VWDE: variants seen among roughly 807,000 people sequenced by gnomAD.
VWDE encodes von Willebrand factor D and EGF domain-containing protein.
In VWDE, 207 loss-of-function variants were observed where a neutral mutation model predicts 178.4. The observed-to-expected ratio is 1.16, with a 90% CI of 1.04 to 1.30. The LOEUF is 1.30. Ranked by LOEUF, VWDE falls within the 50% of genes most tolerant of loss-of-function variation. The probability of loss-of-function intolerance (pLI) is 0.00; values close to 1 mark genes in which losing one functional copy is unlikely to be tolerated. For synonymous variants in VWDE, 738 were observed against 651.4 expected (o/e 1.13, Z -2.02); for missense variants, 2,287 against 1,901.3 (o/e 1.20, Z -3.77).
At chr7:12,371,120 AT>A (rs1439709073) in intron 10 of VWDE, among the ~76,000 whole-genome samples, 2 of 152,152 alleles carry the variant, frequency 1.3e-5, no homozygotes, top group East Asian at 3.8e-4. Context: ...ACTTCTTTAA[AT>A]AATTTAAACA....
At chr7:12,344,589 T>G (rs1439348084) in intron 19 of VWDE, 120 bp from the exon 20 acceptor site, 6 of 732,568 alleles carry the variant, frequency 8.2e-6, no homozygotes, top group Non-Finnish European at 1.3e-5. Context: ...TAATAGTCCC[T>G]CTAGATAATA....
At chr7:12,392,817 A>G (rs1437914655) in intron 2 of VWDE, among the ~76,000 whole-genome samples, 3 of 152,046 alleles carry the variant, frequency 2.0e-5, no homozygotes, top group Non-Finnish European at 4.4e-5. Context: ...GCAAAAAAAA[A>G]AAAAACACAT....
intron 19 of VWDE, among the ~76,000 whole-genome samples, chr7:12,348,335 G>A (rs1263201249): frequency 6.7e-6 from 1 of 148,616 alleles, no homozygotes; most frequent in South Asian, 2.1e-4. Flanking sequence ...ATCTGACAAA[G>A]GGCTAATATC....
chr7:12,373,821 C>A (rs1248123852), intron 9 of VWDE, among the ~76,000 whole-genome samples: 1 of 152,118 alleles, frequency 6.6e-6, no homozygotes, highest in Non-Finnish European at 1.5e-5. Flanking sequence ...AGATTACATT[C>A]ATCACTACTA....
chr7:12,366,266 G>C (rs1782855400), intron 13 of VWDE, among the ~76,000 whole-genome samples: 1 of 152,070 alleles, frequency 6.6e-6, no homozygotes, highest in African/African-American at 2.4e-5. Flanking sequence ...GAGGATTCCA[G>C]ATTTTACTCT....
chr7:12,366,948 G>A (rs1312255171), intron 13 of VWDE, among the ~76,000 whole-genome samples: 1 of 151,906 alleles, frequency 6.6e-6, no homozygotes, highest in Non-Finnish European at 1.5e-5. Flanking sequence ...TCCATAGTAA[G>A]GAAAATATAA....
intron 3 of VWDE, among the ~76,000 whole-genome samples, chr7:12,385,797 TAA>T (rs1282454260): frequency 9.0e-6 from 1 of 110,928 alleles, no homozygotes; most frequent in African/African-American, 4.5e-5. Context: ...TAACAGACAT[TAA>T]GAGTAAAAAA....
Position 12,370,519 on chromosome 7 carries a change from G to A in VWDE, c.1797-10C>T. The A allele has an allele frequency of 3.3e-6, 5 of 1,532,824 alleles. No individual in the cohort carries two copies. Among genetic ancestry groups the A allele is most frequent in the Middle Eastern group, 1.7e-4 (1 of 5,916 alleles). 95.0% of individuals were successfully genotyped at this position (1,532,824 alleles called of 1,614,324 possible). ...TTTTCCTGGTAAAATCCTTCCAGATGGAAAACAGGAAAGAATAGTAATTTT... is the reference window on the plus strand; with the variant it reads ...TTTTCCTGGTAAAATCCTTCCAGATAGAAAACAGGAAAGAATAGTAATTTT... On this transcript the variant is annotated splice_polypyrimidine_tract_variant and intron_variant, in intron 11 of 28. Transcript: ENST00000275358.
rs1783070344 is a variant in VWDE, at chr7:12,369,843, C to A, written c.2463G>T (p.Arg821Ser). 2 of 1,551,510 alleles carry A rather than the reference C, an allele frequency of 1.3e-6. No individual in the cohort carries two copies. Among genetic ancestry groups the A allele is most frequent in the Non-Finnish European group, 8.7e-7 (1 of 1,146,878 alleles). The change falls in exon 12 of 29, where the codon AGG (arginine) becomes AGT (serine). Residue 821 changes from arginine to serine, a missense_variant. Coordinates refer to ENST00000275358, the MANE Select transcript of VWDE (RefSeq NM_001135924.3). ...TCTTGCCAAGAAAAGCAAGACACAG[C>A]CTTCCTATGCTGGAGTTGGCTAGAG... ...QETLANSSIG[R>S]LCLAFLGKRL... is the part of the protein sequence containing the mutation.
chr7:12,356,934 T>C (rs1782280142), intron 17 of VWDE, among the ~76,000 whole-genome samples: 1 of 152,218 alleles, frequency 6.6e-6, no homozygotes, highest in African/African-American at 2.4e-5. Context: ...TTTCACTTGA[T>C]GGAAGAGGGT....
intron 1 of VWDE, among the ~76,000 whole-genome samples, chr7:12,403,038 A>T (rs993723198): frequency 6.6e-6 from 1 of 152,204 alleles, no homozygotes; most frequent in African/African-American, 2.4e-5. Context: ...GTTTAACTTC[A>T]CTGTATTTTA....
chr7:12,346,108 A>G (rs757791110), intron 19 of VWDE, among the ~76,000 whole-genome samples: 2 of 152,300 alleles, frequency 1.3e-5, no homozygotes, highest in Non-Finnish European at 2.9e-5. Flanking sequence ...CTAACAAGAA[A>G]TCATGACACT....
intron 4 of VWDE, among the ~76,000 whole-genome samples, chr7:12,381,083 C>T (rs1301714164): frequency 6.6e-6 from 1 of 152,146 alleles, no homozygotes; most frequent in Admixed American, 6.5e-5. Flanking sequence ...ATTATAATTC[C>T]TTGTTATAAT....
intron 19 of VWDE, among the ~76,000 whole-genome samples, chr7:12,348,837 C>G (rs541761087): frequency 1.3e-5 from 2 of 151,546 alleles, no homozygotes; most frequent in East Asian, 1.9e-4. Flanking sequence ...AAATGTCCAA[C>G]AACGATAGAC....
At chr7:12,388,809 C>T in intron 3 of VWDE, 1 of 447,072 alleles carries the variant, frequency 2.2e-6, no homozygotes, top group Non-Finnish European at 4.3e-6. Context: ...TTTACTCACC[C>T]TTCTTCATCC....
chr7:12,364,822 C>T (rs560299195), intron 13 of VWDE, among the ~76,000 whole-genome samples: 108 of 152,094 alleles, frequency 7.1e-4, no homozygotes, highest in Non-Finnish European at 1.3e-3. Context: ...CTCCCTACAA[C>T]GTATTTATTA....
intron 19 of VWDE, among the ~76,000 whole-genome samples, chr7:12,348,789 T>G (rs78578062): frequency 4.7e-5 from 7 of 149,546 alleles, no homozygotes; most frequent in African/African-American, 1.7e-4. Context: ...ATGTTTATTG[T>G]GGCATTATTC....
intron 19 of VWDE, among the ~76,000 whole-genome samples, chr7:12,349,406 A>G (rs372792410): frequency 2.0e-5 from 3 of 151,416 alleles, no homozygotes; most frequent in East Asian, 3.9e-4. Flanking sequence ...AATGTAAAAT[A>G]TAAAATAATA....
intron 19 of VWDE, among the ~76,000 whole-genome samples, chr7:12,348,069 C>T (rs1452887146): frequency 5.3e-5 from 8 of 152,162 alleles, no homozygotes; most frequent in African/African-American, 1.2e-4. Flanking sequence ...ATACAAAAAT[C>T]AATTCAAGAT....
Sources: allele counts gnomAD v4.1 joint callset (sites outside exome capture counted in the v4.1 genomes callset), GRCh38; gene constraint gnomAD v4.1.1; transcripts MANE v1.5; gene names NCBI Gene and HGNC (gene_info 2026-07-23, HGNC 2026-07-21).